IMMP2L: variants seen among roughly 807,000 people sequenced by gnomAD.
IMMP2L encodes the protein mitochondrial inner membrane protease subunit 2.
In IMMP2L, 18 loss-of-function variants were observed where a neutral mutation model predicts 19.3. The ratio of observed to expected loss-of-function variants is 0.93; its 90% CI spans 0.64 to 1.38. The LOEUF is 1.38. IMMP2L is among the 40% of genes most tolerant of loss of function. The probability of loss-of-function intolerance (pLI) is 0.00; values close to 1 mark genes in which losing one functional copy is unlikely to be tolerated. For missense variants in IMMP2L, 233 were observed against 218.2 expected, an observed-to-expected ratio of 1.07 and a Z score of -0.43; for synonymous variants, 76 against 73.0, an observed-to-expected ratio of 1.04 and a Z score of -0.21.
At chr7:111,496,250 T>C (rs1353623622) in intron 2 of IMMP2L, among the ~76,000 whole-genome samples, 1 of 152,180 alleles carries the variant, frequency 6.6e-6, no homozygotes, top group East Asian at 1.9e-4. Context: ...TTCTCAGATT[T>C]GTCTCACTAG....
At chr7:110,882,207 A>C (rs1322547086) in intron 5 of IMMP2L, among the ~76,000 whole-genome samples, 1 of 151,954 alleles carries the variant, frequency 6.6e-6, no homozygotes, top group Non-Finnish European at 1.5e-5. Context: ...ATTATCTATG[A>C]CCTGAATCTC....
At chr7:111,220,766 G>C (rs938034542) in intron 3 of IMMP2L, among the ~76,000 whole-genome samples, 8 of 152,016 alleles carry the variant, frequency 5.3e-5, no homozygotes, top group African/African-American at 1.9e-4. Context: ...GAAAGACAGT[G>C]ATGTAGTCTG....
chr7:111,348,805 A>G lies in IMMP2L; in HGVS notation c.239+138433T>C, dbSNP rs138163761. 2.3e-3 allele frequency among the ~76,000 whole-genome samples: 349 copies of G among 152,184 alleles called. 1 individual carries two copies. The highest frequency in any genetic ancestry group is 7.3e-3 in the African/African-American group (302 of 41,546). ...AATGAACCTGTGCCATTTACATATT[A>G]GCTGACTCTGACATCCAAGGGTTCT... On this transcript the variant is annotated intron_variant, in intron 3 of 5. Coordinates refer to ENST00000405709, the MANE Select transcript of IMMP2L (RefSeq NM_032549.4).
chr7:110,881,681 T>G (rs1809648972), intron 5 of IMMP2L, among the ~76,000 whole-genome samples: 1 of 152,146 alleles, frequency 6.6e-6, no homozygotes, highest in Non-Finnish European at 1.5e-5. Flanking sequence ...TCTAGAGAAG[T>G]TACACAAGGA....
intron 3 of IMMP2L, among the ~76,000 whole-genome samples, chr7:111,436,510 TACACACACACATACAC>T (rs879339904): frequency 2.6e-5 from 4 of 151,060 alleles, no homozygotes; most frequent in Admixed American, 1.3e-4. Context: ...CTTTTTTTCT[TACACACACACATACAC>T]ACACACACAC....
chr7:111,556,060 C>T (rs1285988070), intron 1 of IMMP2L, among the ~76,000 whole-genome samples: 1 of 68,996 alleles, frequency 1.4e-5, no homozygotes, highest in Admixed American at 1.9e-4. Context: ...AATGAAACCG[C>T]AACCTTGTAA....
intron 3 of IMMP2L, among the ~76,000 whole-genome samples, chr7:111,044,031 T>C (rs934575300): frequency 3.9e-5 from 6 of 152,234 alleles, no homozygotes; most frequent in Non-Finnish European, 8.8e-5. Context: ...TCTTGTCATT[T>C]CAGTATCAAT....
At chr7:111,086,878 G>T (rs1796388412) in intron 3 of IMMP2L, among the ~76,000 whole-genome samples, 1 of 152,188 alleles carries the variant, frequency 6.6e-6, no homozygotes, top group South Asian at 2.1e-4. Context: ...AGCAACCACT[G>T]TCTTGTGCAT....
At chr7:111,336,157 C>G (rs949348659) in intron 3 of IMMP2L, among the ~76,000 whole-genome samples, 1 of 151,772 alleles carries the variant, frequency 6.6e-6, no homozygotes, top group African/African-American at 2.4e-5. Flanking sequence ...AGAAATCCTC[C>G]TGCCTCAGCC....
chr7:111,401,901 A>T (rs1036045125), intron 3 of IMMP2L, among the ~76,000 whole-genome samples: 6 of 151,974 alleles, frequency 3.9e-5, no homozygotes, highest in African/African-American at 1.4e-4. Context: ...ACAATCCATA[A>T]AAATATTCTC....
At chr7:110,975,400 T>C (rs1820589683) in intron 3 of IMMP2L, among the ~76,000 whole-genome samples, 1 of 152,160 alleles carries the variant, frequency 6.6e-6, no homozygotes, top group Non-Finnish European at 1.5e-5. Context: ...GCTGTGGCTA[T>C]GTGTACTTGA....
intron 3 of IMMP2L, among the ~76,000 whole-genome samples, chr7:111,389,373 T>A (rs539843962): frequency 6.6e-6 from 1 of 152,138 alleles, no homozygotes; most frequent in Non-Finnish European, 1.5e-5. Context: ...TAGTGAATTA[T>A]GAATTGAATC....
intron 3 of IMMP2L, among the ~76,000 whole-genome samples, chr7:111,466,528 C>T (rs370100354): frequency 1.3e-5 from 2 of 152,006 alleles, no homozygotes; most frequent in Non-Finnish European, 2.9e-5. Context: ...ACCTCAGTTA[C>T]GATAACTATA....
At chr7:111,102,611 A>G (rs1470865159) in intron 3 of IMMP2L, among the ~76,000 whole-genome samples, 2 of 151,734 alleles carry the variant, frequency 1.3e-5, no homozygotes, top group East Asian at 1.9e-4. Flanking sequence ...GAGAGAGAGA[A>G]AAATTACTAA....
chr7:111,033,276 T>C (rs1462306685), intron 3 of IMMP2L, among the ~76,000 whole-genome samples: 1 of 152,314 alleles, frequency 6.6e-6, no homozygotes, highest in South Asian at 2.1e-4. Flanking sequence ...AATTAGATAC[T>C]ATTACACATT....
At chr7:110,815,215 T>C (rs917064739) in intron 5 of IMMP2L, among the ~76,000 whole-genome samples, 5 of 152,096 alleles carry the variant, frequency 3.3e-5, no homozygotes, top group Non-Finnish European at 7.4e-5. Flanking sequence ...CTGCATCTAT[T>C]GAGATAATCA....
chr7:110,691,096 A>C (rs1793469922), intron 5 of IMMP2L, among the ~76,000 whole-genome samples: 1 of 152,038 alleles, frequency 6.6e-6, no homozygotes, highest in Non-Finnish European at 1.5e-5. Flanking sequence ...GTAACCTTGT[A>C]GTAGGTACTT....
intron 3 of IMMP2L, among the ~76,000 whole-genome samples, chr7:111,314,143 T>C (rs1267848585): frequency 1.3e-5 from 2 of 152,082 alleles, no homozygotes; most frequent in African/African-American, 4.8e-5. Context: ...ATCTTATAAA[T>C]TGCCCAGTTT....
chr7:110,978,958 A>C (rs1369700082), intron 3 of IMMP2L, among the ~76,000 whole-genome samples: 4 of 152,028 alleles, frequency 2.6e-5, no homozygotes, highest in Non-Finnish European at 5.9e-5. Context: ...ATATAAATAT[A>C]CTTTTTAGTA....
Sources: allele counts gnomAD v4.1 joint callset (sites outside exome capture counted in the v4.1 genomes callset), GRCh38; gene constraint gnomAD v4.1.1; transcripts MANE v1.5; gene names NCBI Gene and HGNC (gene_info 2026-07-23, HGNC 2026-07-21).